Variants in TIAM2 observed in about 807,000 individuals in gnomAD.
TIAM2 encodes the protein TIAM Rac1 associated GEF 2, also known as rho guanine nucleotide exchange factor TIAM2.
TIAM2 carries 80 observed loss-of-function variants against 152.9 expected under a neutral mutation model. The observed-to-expected ratio is 0.52, with a 90% CI of 0.44 to 0.63. The LOEUF (loss-of-function observed/expected upper bound fraction) is 0.63, where lower values mean the gene tolerates loss of function less well. Among genes scored for constraint, TIAM2 ranks in the 30% least tolerant of loss-of-function variants. TIAM2 has a pLI of 0.00. For synonymous variants in TIAM2, 804 were observed against 838.0 expected (o/e 0.96, Z 0.70); for missense variants, 1,965 against 2,120.1 (o/e 0.93, Z 1.44).
At chr6:155,033,547 T>C (rs7756226) in intron 1 of TIAM2, among the ~76,000 whole-genome samples, 101,503 of 151,892 alleles carry the variant, frequency 0.67, 34,272 homozygotes, top group East Asian at 0.9. Flanking sequence ...AGTTTCTTAG[T>C]TAAGAAAGGA....
At chr6:155,062,321 G>A (rs1184157180) in intron 1 of TIAM2, among the ~76,000 whole-genome samples, 1 of 152,060 alleles carries the variant, frequency 6.6e-6, no homozygotes, top group African/African-American at 2.4e-5. Context: ...TTTTGCACAA[G>A]TATAATCTTT....
At chr6:155,233,969 AC>A (rs1462679628) in intron 15 of TIAM2, among the ~76,000 whole-genome samples, 1 of 147,000 alleles carries the variant, frequency 6.8e-6, no homozygotes, top group Non-Finnish European at 1.5e-5. Context: ...TCTCAAAAAA[AC>A]AAAACAAAAA....
At chr6:155,056,874 TATC>T (rs1207021288) in intron 1 of TIAM2, among the ~76,000 whole-genome samples, 2 of 152,044 alleles carry the variant, frequency 1.3e-5, no homozygotes. Flanking sequence ...CCATCCAGCA[TATC>T]ATATTACATA....
chr6:155,029,444 TATAGTATATATTATATATA>T (rs1776755110), intron 1 of TIAM2, among the ~76,000 whole-genome samples: 3 of 246 alleles, frequency 0.012, no homozygotes, highest in African/African-American at 0.019. Context: ...TATATTATAC[TATAGTATATATTATATATA>T]ATATATACTA....
chr6:155,250,340 C>G (rs1783576765), intron 21 of TIAM2, among the ~76,000 whole-genome samples: 2 of 142,732 alleles, frequency 1.4e-5, no homozygotes, highest in South Asian at 4.5e-4. Flanking sequence ...TACCTGCTTA[C>G]TTATAAAACT....
intron 9 of TIAM2, among the ~76,000 whole-genome samples, chr6:155,176,172 T>G (rs959054028): frequency 3.9e-5 from 6 of 152,134 alleles, no homozygotes; most frequent in Non-Finnish European, 4.4e-5. Flanking sequence ...CAGTGGCCCT[T>G]CTCAACCATG....
At chr6:155,044,765 T>C (rs377455594) in intron 1 of TIAM2, among the ~76,000 whole-genome samples, 42 of 151,990 alleles carry the variant, frequency 2.8e-4, no homozygotes, top group African/African-American at 8.7e-4. Context: ...TGAGCCGAGA[T>C]TGCACCACCG....
chr6:155,166,317 TTC>T (rs1780433909), intron 9 of TIAM2, among the ~76,000 whole-genome samples: 1 of 150,924 alleles, frequency 6.6e-6, no homozygotes, highest in South Asian at 2.1e-4. Flanking sequence ...TTTTCTTTTC[TTC>T]TCTTTTTTTT....
chr6:155,005,781 G>A (rs1210740487), intron 1 of TIAM2, among the ~76,000 whole-genome samples: 1 of 151,286 alleles, frequency 6.6e-6, no homozygotes, highest in East Asian at 1.9e-4. Flanking sequence ...TCAGCCTCCT[G>A]AGGGATTGCA....
chr6:155,002,852 T>C (rs1325326237), intron 1 of TIAM2, among the ~76,000 whole-genome samples: 1 of 136,102 alleles, frequency 7.3e-6, no homozygotes, highest in Admixed American at 7.8e-5. Context: ...AGCTAAGTTT[T>C]GTGTGTGTGT....
rs558339238 is a variant in TIAM2 at position 155,003,963 on chromosome 6, A to G, written c.-209+8471A>G. Among the ~76,000 whole-genome samples the G allele has an allele frequency of 4.2e-4, 64 of 152,034 alleles. No homozygotes were observed. The East Asian group carries it at 7.9e-3, about 19-fold the overall frequency. On this transcript the variant is annotated intron_variant, in intron 1 of 26. Coordinates refer to ENST00000682666, the MANE Select transcript of TIAM2 (RefSeq NM_012454.4). ...ACGGAGCGAGACTCCATCTCTCCCAACTCCCCCCAGAAAAGTGCATTCTGT... is the reference window on the plus strand; with the variant it reads ...ACGGAGCGAGACTCCATCTCTCCCAGCTCCCCCCAGAAAAGTGCATTCTGT...
rs111966898 is a variant in TIAM2 at position 155,088,159 on chromosome 6, A to T, written c.-208-2130A>T. Among the ~76,000 whole-genome samples the T allele has an allele frequency of 6.1e-3, 902 of 147,598 alleles. 9 individuals carry two copies. Among genetic ancestry groups the T allele is most frequent in the African/African-American group, 0.02 (810 of 39,700 alleles). On this transcript the variant is annotated intron_variant, in intron 1 of 26. Transcript: ENST00000682666. ...AACCTCTGCCTCCCAGGTACAAGTG[A>T]TTCTTCTGCCTCAGCCTCCGGAGTA...
At chr6:155,030,555 C>T (rs1213722199) in intron 1 of TIAM2, among the ~76,000 whole-genome samples, 2 of 152,144 alleles carry the variant, frequency 1.3e-5, no homozygotes, top group Non-Finnish European at 2.9e-5. Context: ...TTGTTCACCC[C>T]ACTGCTCAAG....
intron 1 of TIAM2, among the ~76,000 whole-genome samples, chr6:154,998,832 G>A (rs1778265357): frequency 6.6e-6 from 1 of 152,130 alleles, no homozygotes; most frequent in Admixed American, 6.5e-5. Flanking sequence ...TCCTGGCTTC[G>A]ACTTCATATT....
At position 155,188,863 on chromosome 6, in the gene TIAM2, TAATAGGGGACAAA is replaced by T. The variant is rs373675963; in HGVS notation, c.3064+5369_3064+5381del. Among the ~76,000 whole-genome samples, 380 of 152,318 alleles carry T rather than the reference TAATAGGGGACAAA, an allele frequency of 2.5e-3. 1 individual carries two copies. The highest frequency in any genetic ancestry group is 8.6e-3 in the African/African-American group (359 of 41,572). On this transcript the variant is annotated intron_variant, in intron 14 of 26. Transcript: ENST00000682666. ...ACCTTGTTAGGATTGGAGGTGTATT[TAATAGGGGACAAA>T]AATAGAAAAGACCTATGTTCCTCCT...
In TIAM2 at chr6:155,027,339, TATATATACTGTGTTAC is replaced by T. The variant is rs200706175; in HGVS notation, c.-209+31857_-209+31872del. ...TCGCACCTGTATATTATATATATAA[TATATATACTGTGTTAC>T]ATATATACTATATATAATATATATA... On this transcript the variant is annotated intron_variant, in intron 1 of 26. Coordinates refer to ENST00000682666, the MANE Select transcript of TIAM2 (RefSeq NM_012454.4). Among the ~76,000 whole-genome samples, 1,104 of 144,810 alleles carry T rather than the reference TATATATACTGTGTTAC, an allele frequency of 7.6e-3. 17 individuals are homozygous for T. Among genetic ancestry groups the T allele is most frequent in the East Asian group, 0.034 (164 of 4,884 alleles).
At chr6:155,221,473 C>T (rs1270335139) in intron 15 of TIAM2, among the ~76,000 whole-genome samples, 4 of 152,188 alleles carry the variant, frequency 2.6e-5, no homozygotes, top group Non-Finnish European at 4.4e-5. Context: ...ATTTCTGATA[C>T]AGGCTTCTCC....
chr6:155,235,123 C>T (rs1336496515), intron 15 of TIAM2, among the ~76,000 whole-genome samples: 2 of 152,174 alleles, frequency 1.3e-5, no homozygotes, highest in African/African-American at 4.8e-5. Context: ...CCTCCTTGCC[C>T]CTCAGCTGGA....
intron 1 of TIAM2, among the ~76,000 whole-genome samples, chr6:155,078,167 C>A (rs1777995912): frequency 6.6e-6 from 1 of 152,032 alleles, no homozygotes; most frequent in Admixed American, 6.6e-5. Flanking sequence ...ACCTCAGCCT[C>A]CCAAGTAGCT....
Sources: allele counts gnomAD v4.1 joint callset (sites outside exome capture counted in the v4.1 genomes callset), GRCh38; gene constraint gnomAD v4.1.1; transcripts MANE v1.5; gene names NCBI Gene and HGNC (gene_info 2026-07-23, HGNC 2026-07-21).